Variants in DLG2 observed in about 807,000 individuals in gnomAD.
DLG2 encodes disks large homolog 2.
DLG2 carries 45 observed loss-of-function variants against 132.5 expected under a neutral mutation model. That is an observed-to-expected ratio of 0.34 (90% CI 0.27 to 0.44). The LOEUF is 0.44. DLG2 is among the 20% of genes least tolerant of loss of function. DLG2 has a pLI of 1.00. For missense variants in DLG2, 1,045 were observed against 1,196.9 expected (o/e 0.87, Z 1.87); for synonymous variants, 424 against 419.6 (o/e 1.01, Z -0.13).
chr11:83,884,295 C>T (rs757067962), intron 15 of DLG2, among the ~76,000 whole-genome samples: 5 of 152,228 alleles, frequency 3.3e-5, no homozygotes, highest in Admixed American at 6.5e-5. Context: ...GATTATATCC[C>T]GCATCTGGCT....
intron 4 of DLG2, among the ~76,000 whole-genome samples, chr11:85,214,602 G>A (rs2082458954): frequency 6.6e-6 from 1 of 152,028 alleles, no homozygotes; most frequent in South Asian, 2.1e-4. Flanking sequence ...ATCTCTTTTT[G>A]CAGTATATGT....
At chr11:83,720,799 C>G (rs1268475927) in intron 18 of DLG2, 4 of 134,228 alleles carry the variant, frequency 3.0e-5, no homozygotes. Flanking sequence ...GCTTCTCTAA[C>G]TCAAGAACCC....
chr11:84,174,014 CTTTTTTTTTT>C, intron 8 of DLG2, among the ~76,000 whole-genome samples: 1 of 61,202 alleles, frequency 1.6e-5, no homozygotes, highest in Non-Finnish European at 2.9e-5. Flanking sequence ...ACCCCCCGGC[CTTTTTTTTTT>C]TTTTTTTTTT....
chr11:85,029,784 G>A (rs747762269), intron 6 of DLG2, among the ~76,000 whole-genome samples: 6 of 152,140 alleles, frequency 3.9e-5, no homozygotes, highest in Non-Finnish European at 7.3e-5. Flanking sequence ...ACTCTGAACT[G>A]AAAGTCTCCT....
At chr11:83,588,573 A>T (rs930809845) in intron 19 of DLG2, among the ~76,000 whole-genome samples, 8 of 152,102 alleles carry the variant, frequency 5.3e-5, no homozygotes, top group Admixed American at 3.3e-4. Flanking sequence ...AACTCTAAAA[A>T]GCAGAGCGCC....
chr11:85,571,576 TG>T (rs1199948982), intron 3 of DLG2, among the ~76,000 whole-genome samples: 1 of 152,208 alleles, frequency 6.6e-6, no homozygotes, highest in African/African-American at 2.4e-5. Context: ...ACTTTGAACT[TG>T]CTCAGATTAA....
intron 4 of DLG2, among the ~76,000 whole-genome samples, chr11:85,195,489 C>T (rs2080960564): frequency 6.7e-6 from 1 of 150,144 alleles, no homozygotes; most frequent in African/African-American, 2.4e-5. Context: ...AAACTTAAAT[C>T]ATAAAGTGAA....
At chr11:85,064,592 G>C (rs567564001) in intron 6 of DLG2, among the ~76,000 whole-genome samples, 1 of 151,734 alleles carries the variant, frequency 6.6e-6, no homozygotes, top group Non-Finnish European at 1.5e-5. Context: ...AATTGATTAT[G>C]TAGGAAAGGG....
At chr11:84,651,835 T>A (rs2099682409) in intron 6 of DLG2, among the ~76,000 whole-genome samples, 1 of 152,176 alleles carries the variant, frequency 6.6e-6, no homozygotes, top group Non-Finnish European at 1.5e-5. Context: ...AACTCTGTGA[T>A]CCAGTTCAGC....
intron 19 of DLG2, among the ~76,000 whole-genome samples, chr11:83,557,728 A>G (rs545512143): frequency 6.6e-6 from 1 of 152,294 alleles, no homozygotes; most frequent in East Asian, 1.9e-4. Flanking sequence ...AAATCTGCCA[A>G]AAAGAAAGCA....
At chr11:85,521,234 C>T (rs1205164971) in intron 3 of DLG2, among the ~76,000 whole-genome samples, 2 of 152,196 alleles carry the variant, frequency 1.3e-5, no homozygotes, top group Non-Finnish European at 2.9e-5. Context: ...TTCCCCCATG[C>T]TGTTCTTATG....
intron 6 of DLG2, among the ~76,000 whole-genome samples, chr11:84,698,646 G>C (rs1015386480): frequency 6.6e-6 from 1 of 151,660 alleles, no homozygotes; most frequent in Admixed American, 6.6e-5. Flanking sequence ...ATCCAAAGAT[G>C]TGTATCTGAA....
intron 6 of DLG2, among the ~76,000 whole-genome samples, chr11:84,572,226 G>A (rs1426961924): frequency 1.1e-4 from 17 of 152,120 alleles, no homozygotes; most frequent in Non-Finnish European, 4.4e-5. Context: ...TTTAAAATCT[G>A]ATGTTGTAGA....
chr11:85,058,090 G>A (rs1038143902), intron 6 of DLG2, among the ~76,000 whole-genome samples: 2 of 151,250 alleles, frequency 1.3e-5, no homozygotes, highest in South Asian at 2.1e-4. Context: ...AAAAAAATTA[G>A]AAGAGACCAA....
At chr11:83,830,444 A>T (rs1264071859) in intron 17 of DLG2, among the ~76,000 whole-genome samples, 2 of 152,238 alleles carry the variant, frequency 1.3e-5, no homozygotes, top group Non-Finnish European at 2.9e-5. Context: ...TTTTTATTTA[A>T]ACAGAGTTAG....
chr11:84,197,699 C>T (rs1351232934), intron 8 of DLG2, among the ~76,000 whole-genome samples: 1 of 152,078 alleles, frequency 6.6e-6, no homozygotes, highest in African/African-American at 2.4e-5. Context: ...GACAACAAAG[C>T]GTGGCACATT....
rs145498610 is a variant in DLG2, at chr11:85,158,418, G to C, written c.187-3767C>G. On this transcript the variant is annotated intron_variant, in intron 4 of 27. Coordinates refer to ENST00000376104, the MANE Select transcript of DLG2 (RefSeq NM_001142699.3). ...CTGATCTCCTTTGGTTTAATGTAGAGGAAGGGATCCAAAGGCTTAGGGAGA... is the reference window on the plus strand; with the variant it reads ...CTGATCTCCTTTGGTTTAATGTAGACGAAGGGATCCAAAGGCTTAGGGAGA... Among the ~76,000 whole-genome samples the C allele has an allele frequency of 1.5e-3, 225 of 152,320 alleles. 1 individual carries two copies. Among genetic ancestry groups the C allele is most frequent in the African/African-American group, 5.2e-3 (217 of 41,576 alleles).
intron 18 of DLG2, among the ~76,000 whole-genome samples, chr11:83,729,874 T>C (rs1446064210): frequency 6.6e-6 from 1 of 152,138 alleles, no homozygotes; most frequent in Non-Finnish European, 1.5e-5. Flanking sequence ...AAAATATATC[T>C]TCATTTAAGA....
chr11:85,589,704 C>T (rs549883647), intron 3 of DLG2, among the ~76,000 whole-genome samples: 29 of 152,268 alleles, frequency 1.9e-4, no homozygotes, highest in African/African-American at 7.0e-4. Flanking sequence ...CCATCTAAAA[C>T]CACTGAGTTT....
Sources: gnomAD v4.1 joint callset for allele counts (sites outside exome capture counted in the v4.1 genomes callset) on GRCh38, gnomAD v4.1.1 for gene constraint, MANE v1.5 for transcripts, NCBI Gene and HGNC (gene_info 2026-07-23, HGNC 2026-07-21) for gene names.